SLC7A6: variants seen among roughly 807,000 people sequenced by gnomAD.
SLC7A6 encodes the protein Y+L amino acid transporter 2.
SLC7A6 carries 29 observed loss-of-function variants against 46.6 expected under a neutral mutation model. The observed-to-expected ratio is 0.62, with a 90% CI of 0.46 to 0.85. SLC7A6 has a LOEUF of 0.85. SLC7A6 is among the 40% of genes least tolerant of loss of function. The pLI is 0.00. For synonymous variants in SLC7A6, 276 were observed against 257.3 expected (o/e 1.07, Z -0.70); for missense variants, 527 against 647.6 (o/e 0.81, Z 2.02).
chr16:68,291,415 T>C (rs1426197151), intron 6 of SLC7A6, 83 bp downstream of exon 6: 1 of 1,589,762 alleles, frequency 6.3e-7, no homozygotes, highest in African/African-American at 1.3e-5. Context: ...TACTGCACCC[T>C]CCTCAGCTCT....
Position 68,296,402 on chromosome 16 carries a change from T to C in SLC7A6, c.1158T>C (p.Val386=). Reference sequence around the variant, plus strand: ...TCATCTACCTCATCGTGGAGGATGTTTTCCAGCTTATCAACTACTTCAGCT... The same window carrying C: ...TCATCTACCTCATCGTGGAGGATGTCTTCCAGCTTATCAACTACTTCAGCT... The part of the protein sequence containing the change: ...MALIYLIVED[V]FQLINYFSFS... The change falls in exon 9 of 11, where the codon GTT becomes GTC. Residue 386 remains valine (V), a synonymous_variant. Coordinates refer to ENST00000219343, the MANE Select transcript of SLC7A6 (RefSeq NM_003983.6). 6.2e-7 allele frequency: 1 copy of C among 1,614,062 alleles called. No homozygotes were observed. The highest frequency in any genetic ancestry group is 1.1e-5 in the South Asian group (1 of 91,078).
chr16:68,282,534 C>T (rs1404579644), intron 3 of SLC7A6, among the ~76,000 whole-genome samples: 2 of 152,288 alleles, frequency 1.3e-5, no homozygotes, highest in Admixed American at 6.5e-5. Context: ...AAGGGTTTAC[C>T]TCCCCTGGAG....
chr16:68,295,248 G>A (rs2043138856), intron 8 of SLC7A6, among the ~76,000 whole-genome samples: 1 of 152,022 alleles, frequency 6.6e-6, no homozygotes, highest in African/African-American at 2.4e-5. Context: ...CTGACTATCT[G>A]AAAACTAAAG....
rs756982687 is a variant in SLC7A6 at position 68,274,748 on chromosome 16, A to C, written c.22A>C (p.Arg8=). 5 of 1,614,106 alleles carry C rather than the reference A, an allele frequency of 3.1e-6. No homozygotes were observed. The East Asian group carries it at 1.1e-4, about 36-fold the overall frequency. MEAREPG[R]PTPTYHLVPN... The stretch of plus-strand genomic sequence containing the variant: ...TGTCATGGAAGCCAGGGAGCCTGGG[A>C]GGCCCACACCCACCTACCATCTTGT... Residue 8 remains arginine (R), a synonymous_variant, in exon 3 of 11, where the codon AGG becomes CGG. Transcript: ENST00000219343.
chr16:68,297,267 T>G lies in SLC7A6; in HGVS notation c.1487T>G (p.Phe496Cys), dbSNP rs759455524. The part of the protein sequence containing the change: ...AITRGTQQLC[F>C]CVLTELDVAE... ...ACCAGAGGCACCCAGCAGCTTTGCT[T>G]TTGTGTCCTGACTGAGCTTGATGTA... Residue 496 changes from phenylalanine (F) to cysteine (C), a missense_variant, in exon 11 of 11, where the codon TTT becomes TGT. Physicochemically the swap from Phe to Cys is radical, Grantham distance 205. Transcript: ENST00000219343. The G allele has an allele frequency of 3.1e-6, 5 of 1,614,108 alleles. No individual in the cohort carries two copies. The highest frequency in any genetic ancestry group is 4.2e-6 in the Non-Finnish European group (5 of 1,180,010).
At chr16:68,271,517 C>T (rs1268921509) in intron 2 of SLC7A6, among the ~76,000 whole-genome samples, 1 of 151,688 alleles carries the variant, frequency 6.6e-6, no homozygotes, top group Non-Finnish European at 1.5e-5. Context: ...TTTGCCATTG[C>T]CCAGGCTGGT....
intron 2 of SLC7A6, among the ~76,000 whole-genome samples, chr16:68,273,268 A>G (rs1346743246): frequency 1.3e-5 from 2 of 152,148 alleles, no homozygotes; most frequent in Non-Finnish European, 2.9e-5. Context: ...GGCACATCAC[A>G]TACACATTTG....
rs2043225604 is a variant in SLC7A6, at chr16:68,299,155, TA to T, written c.*1829del. 1 of 152,638 alleles carries T rather than the reference TA, an allele frequency of 6.6e-6. No individual in the cohort carries two copies. 9.5% of individuals were successfully genotyped at this position (152,638 alleles called of 1,614,324 possible). A position where few individuals can be genotyped will look rare whatever the true frequency, so the allele number is the denominator to read the frequency against. On this transcript the variant is annotated 3_prime_UTR_variant, in exon 11 of 11. Transcript: ENST00000219343. ...TGCAAAGGCTGACTTGCCTGAACGC[TA>T]AGAACATGACTTCTGTCTGAGCTAA...
intron 4 of SLC7A6, among the ~76,000 whole-genome samples, chr16:68,288,793 G>T (rs2151227070): frequency 6.6e-6 from 1 of 152,052 alleles, no homozygotes; most frequent in Non-Finnish European, 1.5e-5. Context: ...GAGAAACCCT[G>T]TCTCTACTAA....
Position 68,300,653 on chromosome 16 carries a change from C to T in SLC7A6, c.*3325C>T, listed in dbSNP as rs879460864. On this transcript the variant is annotated 3_prime_UTR_variant, in exon 11 of 11. Coordinates refer to ENST00000219343, the MANE Select transcript of SLC7A6 (RefSeq NM_003983.6). ...GCTAGATTTTACTAAACACATGTAT[C>T]ACATTCATATATATTGTTTCTTGGC... The T allele has an allele frequency of 9.1e-6, 9 of 985,442 alleles. No homozygotes were observed. Among genetic ancestry groups the T allele is most frequent in the Non-Finnish European group, 1.1e-5 (9 of 829,936 alleles). The allele number at this position is 985,442 out of a possible 1,614,324, so 61.0% of individuals were successfully genotyped here. A position where few individuals can be genotyped will look rare whatever the true frequency, so the allele number is the denominator to read the frequency against.
At chr16:68,276,594 CTTAGGA>C (rs1486808061) in intron 3 of SLC7A6, among the ~76,000 whole-genome samples, 2 of 152,100 alleles carry the variant, frequency 1.3e-5, no homozygotes, top group African/African-American at 4.8e-5. Context: ...AACGGATACC[CTTAGGA>C]TTAGGGAAGG....
intron 3 of SLC7A6, among the ~76,000 whole-genome samples, chr16:68,277,245 C>T (rs922465460): frequency 2.0e-5 from 3 of 151,156 alleles, no homozygotes; most frequent in African/African-American, 7.3e-5. Flanking sequence ...CACCACCACG[C>T]CCAGCTAATT....
In SLC7A6 at chr16:68,291,298, T is replaced by C; in HGVS notation, c.884T>C (p.Ile295Thr). Residue 295 changes from isoleucine (I) to threonine (T), a missense_variant, in exon 6 of 11, where the codon ATT becomes ACT. Physicochemically the swap from Ile to Thr is moderately conservative, Grantham distance 89. Transcript: ENST00000219343. Reference protein sequence around the residue: ...TNVAYYTVLNISDVLSSDAVA... With the variant: ...TNVAYYTVLNTSDVLSSDAVA... ...GTGGCCTATTACACAGTGCTGAACATTTCAGATGTCCTTAGCAGTGATGCT... is the reference window on the plus strand; with the variant it reads ...GTGGCCTATTACACAGTGCTGAACACTTCAGATGTCCTTAGCAGTGATGCT... 6.2e-7 allele frequency: 1 copy of C among 1,614,204 alleles called. No homozygotes were observed. Among genetic ancestry groups the C allele is most frequent in the East Asian group, 2.2e-5 (1 of 44,890 alleles).
At chr16:68,292,825 G>A (rs2043083838) in intron 7 of SLC7A6, 1 of 152,202 alleles carries the variant, frequency 6.6e-6, no homozygotes, top group South Asian at 2.1e-4. Flanking sequence ...TCTGAAGCAA[G>A]TGATGCTGAC....
chr16:68,285,014 G>A (rs1344352708), intron 3 of SLC7A6, among the ~76,000 whole-genome samples: 2 of 151,872 alleles, frequency 1.3e-5, no homozygotes, highest in Admixed American at 6.6e-5. Flanking sequence ...GGGACTCCAG[G>A]TGTGCACCGC....
Position 68,291,764 on chromosome 16 carries a change from T to TGG in SLC7A6, c.1022+104_1022+105insGG, listed in dbSNP as rs1188562954. ...CCCTCCTTCTCATGGGCATATAGGGTGTGTGTGTGTGTGTGTGTGTGTGTG... is the reference window on the plus strand; with the variant it reads ...CCCTCCTTCTCATGGGCATATAGGGTGGGTGTGTGTGTGTGTGTGTGTGTGTG... On this transcript the variant is annotated intron_variant, in intron 7 of 10. Coordinates refer to ENST00000219343, the MANE Select transcript of SLC7A6 (RefSeq NM_003983.6). 6 of 397,798 alleles carry TGG rather than the reference T, an allele frequency of 1.5e-5. No homozygotes were observed. The African/African-American group carries it at 1.6e-4, about 11-fold the overall frequency. 24.6% of individuals were successfully genotyped at this position (397,798 alleles called of 1,614,324 possible).
chr16:68,269,882 G>C (rs1232160196), intron 2 of SLC7A6, among the ~76,000 whole-genome samples: 1 of 152,086 alleles, frequency 6.6e-6, no homozygotes, highest in Non-Finnish European at 1.5e-5. Flanking sequence ...TTACCTCTTA[G>C]CTTTCTGAGT....
At position 68,297,340 on chromosome 16, in the gene SLC7A6, G is replaced by A. The variant is rs1389606628; in HGVS notation, c.*12G>A. The A allele has an allele frequency of 2.5e-5, 41 of 1,611,234 alleles. No individual in the cohort carries two copies. Among genetic ancestry groups the A allele is most frequent in the Non-Finnish European group, 3.4e-5 (40 of 1,178,032 alleles). On this transcript the variant is annotated 3_prime_UTR_variant, in exon 11 of 11. Transcript: ENST00000219343. ...GGAAAACTGACTAGAGGTCAGAGGT[G>A]GCTTTCTGAGGCCTGGAAGGCAGGC...
chr16:68,275,192 T>C lies in SLC7A6; in HGVS notation c.466T>C (p.Phe156Leu), dbSNP rs1345582896. The C allele has an allele frequency of 1.9e-6, 3 of 1,613,704 alleles. No homozygotes were observed. The highest frequency in any genetic ancestry group is 1.7e-5 in the Admixed American group (1 of 59,966). The part of the protein sequence containing the change: ...TFANYIIQPS[F>L]PSCDPPYLAC... Reference sequence around the variant, plus strand: ...TGCCAACTACATCATCCAGCCGTCCTTCCCCAGCTGTGATCCCCCATACCT... The same window carrying C: ...TGCCAACTACATCATCCAGCCGTCCCTCCCCAGCTGTGATCCCCCATACCT... Residue 156 changes from phenylalanine (F) to leucine (L), a missense_variant, in exon 3 of 11, where the codon TTC becomes CTC. Coordinates refer to ENST00000219343, the MANE Select transcript of SLC7A6 (RefSeq NM_003983.6).
Sources: allele counts gnomAD v4.1 joint callset (sites outside exome capture counted in the v4.1 genomes callset), GRCh38; gene constraint gnomAD v4.1.1; transcripts MANE v1.5; gene names NCBI Gene and HGNC (gene_info 2026-07-23, HGNC 2026-07-21).